The following CPED1 variants were observed in gnomAD, a reference collection of about 807,000 sequenced individuals.
CPED1 encodes cadherin-like and PC-esterase domain-containing protein 1.
CPED1 carries 114 observed loss-of-function variants against 128.2 expected under a neutral mutation model. The ratio of observed to expected loss-of-function variants is 0.89; its 90% confidence interval spans 0.76 to 1.04. The LOEUF is 1.04. CPED1 is among the 50% of genes least tolerant of loss of function. The probability of loss-of-function intolerance (pLI) is 0.00; values close to 1 mark genes in which losing one functional copy is unlikely to be tolerated. For missense variants in CPED1, 1,211 were observed against 1,207.1 expected, an observed-to-expected ratio of 1.00 and a Z score of -0.05; for synonymous variants, 462 against 426.7, an observed-to-expected ratio of 1.08 and a Z score of -1.02.
intron 18 of CPED1, among the ~76,000 whole-genome samples, chr7:121,245,052 A>G (rs1798493622): frequency 6.6e-6 from 1 of 152,182 alleles, no homozygotes; most frequent in Non-Finnish European, 1.5e-5. Context: ...TTTTTATTAG[A>G]TGGACATTTC....
chr7:121,148,228 A>G (rs967616783), intron 16 of CPED1, among the ~76,000 whole-genome samples: 1 of 152,176 alleles, frequency 6.6e-6, no homozygotes. Context: ...TCAACTAGTA[A>G]CATTTATTAA....
intron 21 of CPED1, 142 bp downstream of exon 21, chr7:121,267,444 C>G (rs542245505): frequency 2.3e-6 from 1 of 442,634 alleles, no homozygotes; most frequent in African/African-American, 2.0e-5. Flanking sequence ...GTTCCCTTAC[C>G]CCACCAATTT....
At chr7:121,149,385 T>C (rs914721438) in intron 16 of CPED1, among the ~76,000 whole-genome samples, 6 of 152,328 alleles carry the variant, frequency 3.9e-5, no homozygotes, top group South Asian at 4.1e-4. Flanking sequence ...TCAGCACTTA[T>C]ATAAATTATC....
rs149244998 is a variant in CPED1, at chr7:121,053,250, C to T, written c.540+6257C>T. Among the ~76,000 whole-genome samples the T allele has an allele frequency of 4.0e-3, 616 of 152,252 alleles. 3 individuals carry two copies. The highest frequency in any genetic ancestry group is 0.014 in the African/African-American group (600 of 41,554). ...GTTTGCCCCTTTTCTGCTCTAGGAA[C>T]CTATCTACTACCCTTCATTGCATTG... is the stretch of plus-strand genomic sequence containing the variant. On this transcript the variant is annotated intron_variant, in intron 4 of 22. Transcript: ENST00000310396.
chr7:121,077,539 T>A (rs1794161904), intron 5 of CPED1, among the ~76,000 whole-genome samples: 1 of 152,098 alleles, frequency 6.6e-6, no homozygotes, highest in Non-Finnish European at 1.5e-5. Flanking sequence ...ATTGCACATT[T>A]ATTGGTGGGA....
intron 10 of CPED1, among the ~76,000 whole-genome samples, chr7:121,127,477 TTAAG>T (rs1437579679): frequency 1.3e-5 from 2 of 151,918 alleles, no homozygotes; most frequent in African/African-American, 4.8e-5. Context: ...GGGTTGAAAA[TTAAG>T]TATAGTGTTC....
intron 3 of CPED1, among the ~76,000 whole-genome samples, chr7:121,039,561 A>G (rs912697077): frequency 5.9e-5 from 9 of 152,052 alleles, no homozygotes; most frequent in Admixed American, 2.6e-4. Context: ...CAAGCTGCTG[A>G]GCATTTCAGA....
chr7:121,262,543 C>T (rs1325047478), intron 18 of CPED1, among the ~76,000 whole-genome samples: 3 of 152,016 alleles, frequency 2.0e-5, no homozygotes, highest in Non-Finnish European at 2.9e-5. Flanking sequence ...TTTAAAACCA[C>T]ATCACATTTT....
At chr7:121,057,425 T>C (rs922113468) in intron 4 of CPED1, among the ~76,000 whole-genome samples, 3 of 152,192 alleles carry the variant, frequency 2.0e-5, no homozygotes, top group African/African-American at 4.8e-5. Flanking sequence ...TTTTTAACCC[T>C]TGCCCCCCAC....
chr7:121,006,510 A>G (rs1332884938), intron 2 of CPED1, among the ~76,000 whole-genome samples: 2 of 152,062 alleles, frequency 1.3e-5, no homozygotes, highest in African/African-American at 4.8e-5. Flanking sequence ...GGAAGAGTCT[A>G]AGGAAGAGGA....
At chr7:121,080,294 G>T (rs998454076) in intron 5 of CPED1, among the ~76,000 whole-genome samples, 1 of 152,120 alleles carries the variant, frequency 6.6e-6, no homozygotes, top group Non-Finnish European at 1.5e-5. Flanking sequence ...ATAAAATAAA[G>T]TATATTACAA....
chr7:121,005,335 G>A (rs1193538804), intron 2 of CPED1, among the ~76,000 whole-genome samples: 1 of 152,138 alleles, frequency 6.6e-6, no homozygotes, highest in African/African-American at 2.4e-5. Flanking sequence ...ATCTTTGATG[G>A]GCATTTGGGT....
At chr7:121,279,632 T>C (rs919748653) in intron 22 of CPED1, among the ~76,000 whole-genome samples, 4 of 152,084 alleles carry the variant, frequency 2.6e-5, no homozygotes, top group Non-Finnish European at 4.4e-5. Flanking sequence ...CTGAAAAAGA[T>C]AAGGCTGAGA....
chr7:121,160,752 A>AAAGCTGTAG (rs940926260), intron 16 of CPED1, among the ~76,000 whole-genome samples: 1 of 152,144 alleles, frequency 6.6e-6, no homozygotes, highest in African/African-American at 2.4e-5. Context: ...CCCCAGAGTT[A>AAAGCTGTAG]AAGCTGTAGA....
chr7:121,240,765 T>TTAAAAAAAAAAA (rs558624522), intron 17 of CPED1, among the ~76,000 whole-genome samples: 2 of 93,788 alleles, frequency 2.1e-5, no homozygotes, highest in African/African-American at 8.8e-5. Context: ...CCTCTTCTGT[T>TTAAAAAAAAAAA]AAAAAAAAAA....
intron 16 of CPED1, among the ~76,000 whole-genome samples, chr7:121,151,192 G>A (rs1323760613): frequency 6.6e-6 from 1 of 152,148 alleles, no homozygotes; most frequent in Non-Finnish European, 1.5e-5. Flanking sequence ...GTGCCCCTTA[G>A]AATATCTGAT....
chr7:121,025,918 C>T (rs1045479501), intron 3 of CPED1, among the ~76,000 whole-genome samples: 1 of 152,126 alleles, frequency 6.6e-6, no homozygotes, highest in African/African-American at 2.4e-5. Context: ...GTCCTACCGC[C>T]TCAACATGTA....
At chr7:120,995,386 C>T (rs1796380208) in intron 2 of CPED1, among the ~76,000 whole-genome samples, 1 of 152,164 alleles carries the variant, frequency 6.6e-6, no homozygotes, top group Admixed American at 6.5e-5. Context: ...TTCTGAAAAA[C>T]TTGTGGTCTC....
intron 16 of CPED1, among the ~76,000 whole-genome samples, chr7:121,153,309 CAT>C (rs1796201912): frequency 6.6e-6 from 1 of 152,164 alleles, no homozygotes; most frequent in Admixed American, 6.5e-5. Context: ...TCTTAGCCTA[CAT>C]GATTTCAACC....
Sources: allele counts gnomAD v4.1 joint callset (sites outside exome capture counted in the v4.1 genomes callset), GRCh38; gene constraint gnomAD v4.1.1; transcripts MANE v1.5; gene names NCBI Gene and HGNC (gene_info 2026-07-23, HGNC 2026-07-21).